TJAP1: variants seen among roughly 807,000 people sequenced by gnomAD.
The protein encoded by TJAP1 is tight junction associated protein 1, also known as tight junction-associated protein 1.
In TJAP1, 27 loss-of-function variants were observed where a neutral mutation model predicts 42.0. That is an observed-to-expected ratio of 0.64 (90% CI 0.47 to 0.89). TJAP1 has a LOEUF of 0.89. TJAP1 is among the 40% of genes least tolerant of loss of function. TJAP1 has a pLI of 0.00. For synonymous variants in TJAP1, 257 were observed against 288.4 expected, an observed-to-expected ratio of 0.89 and a Z score of 1.10; for missense variants, 712 against 726.9, an observed-to-expected ratio of 0.98 and a Z score of 0.24.
chr6:43,502,047 GACACACACAC>G (rs563635573), intron 6 of TJAP1, among the ~76,000 whole-genome samples: 1 of 22,240 alleles, frequency 4.5e-5, no homozygotes, highest in Admixed American at 5.3e-4. Context: ...GGAATGCGGG[GACACACACAC>G]ACACACACAC....
rs755284986 is a variant in TJAP1, at chr6:43,504,945, C to A, written c.764C>A (p.Pro255His). Residue 255 changes from proline (P) to histidine (H), a missense_variant, in exon 11 of 11, where the codon CCC becomes CAC. Around this residue, in one of 3 missense-constraint regions of TJAP1, gnomAD observed 549 missense variants for 528.2 expected, o/e 1.04. Coordinates refer to ENST00000372449, the Ensembl canonical transcript of TJAP1. The stretch of plus-strand genomic sequence containing the variant: ...GCCCAGTCAGGCAGCGCCGGGCGCC[C>A]CTTGGCTGAGGATGTCTTTGTGCAT... 1 of 1,614,188 alleles carries A rather than the reference C, an allele frequency of 6.2e-7. No homozygotes were observed. The highest frequency in any genetic ancestry group is 2.2e-5 in the East Asian group (1 of 44,874).
At chr6:43,497,459 T>C (rs1210376400) in intron 2 of TJAP1, 1 of 152,286 alleles carries the variant, frequency 6.6e-6, no homozygotes, top group Admixed American at 6.5e-5. Context: ...TCCATCATTT[T>C]CTCTATCTTC....
intron 6 of TJAP1, among the ~76,000 whole-genome samples, chr6:43,501,888 G>GGGCC (rs1790758689): frequency 1.1e-5 from 1 of 93,030 alleles, no homozygotes; most frequent in Non-Finnish European, 1.9e-5. Context: ...TGGGAATGCG[G>GGGCC]GGCCACACAC....
intron 4 of TJAP1, 78 bp downstream of exon 4, chr6:43,499,178 C>G: frequency 6.4e-7 from 1 of 1,574,684 alleles, no homozygotes; most frequent in Non-Finnish European, 8.6e-7. Flanking sequence ...CTTCTCCTGC[C>G]TGAGCTTCTG....
At chr6:43,504,613 A>G in intron 10 of TJAP1, 148 bp from the exon 11 acceptor site, 1 of 1,014,164 alleles carries the variant, frequency 9.9e-7, no homozygotes, top group Non-Finnish European at 1.5e-6. Context: ...AAGTGAGGGT[A>G]TACACACTGG....
Position 43,492,366 on chromosome 6 carries a change from A to G in TJAP1, c.-121-5515A>G, listed in dbSNP as rs921949174. On this transcript the variant is annotated intron_variant, in intron 2 of 10. Transcript: ENST00000372449. This position sits in a 1 kb window ranked among gnomAD's most constrained non-coding sequence, Gnocchi z 4.2. ...GTACTTGCCCAGAGGGGTGGCGGGCATAGCTGTTGGAGGGGCAGCAGGGCT... is the reference window on the plus strand; with the variant it reads ...GTACTTGCCCAGAGGGGTGGCGGGCGTAGCTGTTGGAGGGGCAGCAGGGCT... Among the ~76,000 whole-genome samples the G allele has an allele frequency of 6.6e-6, 1 of 152,140 alleles. No individual in the cohort carries two copies. Among genetic ancestry groups the G allele is most frequent in the Non-Finnish European group, 1.5e-5 (1 of 68,040 alleles).
Position 43,502,766 on chromosome 6 carries a change from C to G in TJAP1, c.387+149C>G, listed in dbSNP as rs996537733. ...TATGAGGCCCGTTTAACTGTCAATG[C>G]CTCCCTCCCAGGAGAGAGGTGGGGA... On this transcript the variant is annotated intron_variant, in intron 8 of 10. Coordinates refer to ENST00000372449, the Ensembl canonical transcript of TJAP1. 7 of 895,142 alleles carry G rather than the reference C, an allele frequency of 7.8e-6. No individual in the cohort carries two copies. The Admixed American group carries it at 1.4e-4, about 18-fold the overall frequency. The allele number at this position is 895,142 out of a possible 1,614,324, so 55.4% of individuals were successfully genotyped here.
rs1787709765 is a variant in TJAP1 at position 43,491,097 on chromosome 6, C to G, written c.-121-6784C>G. ...GAAGGCTGCCTAAGTGGATTCTGTTCCCCTTGGGCTGGGTGAGAGAAGGCA... is the reference window on the plus strand; with the variant it reads ...GAAGGCTGCCTAAGTGGATTCTGTTGCCCTTGGGCTGGGTGAGAGAAGGCA... On this transcript the variant is annotated intron_variant, in intron 2 of 10. Coordinates refer to ENST00000372449, the Ensembl canonical transcript of TJAP1. The surrounding 1 kb of genome is among the most constrained non-coding windows in gnomAD (Gnocchi z 4.6). 6.6e-6 allele frequency among the ~76,000 whole-genome samples: 1 copy of G among 152,096 alleles called. No individual in the cohort carries two copies. The highest frequency in any genetic ancestry group is 2.1e-4 in the South Asian group (1 of 4,828).
At chr6:43,503,128 C>T (rs1330940438) in intron 8 of TJAP1, 2 of 512,950 alleles carry the variant, frequency 3.9e-6, no homozygotes, top group Non-Finnish European at 7.0e-6. Context: ...CCCAGAGCCC[C>T]TGGAACCTCA....
chr6:43,479,823 G>A (rs765417563), intron 2 of TJAP1, among the ~76,000 whole-genome samples: 1 of 151,962 alleles, frequency 6.6e-6, no homozygotes, highest in East Asian at 1.9e-4. Context: ...TACAAAAATC[G>A]GCTGGGCGTG....
chr6:43,491,593 T>C lies in TJAP1; in HGVS notation c.-121-6288T>C, dbSNP rs1008924155. Among the ~76,000 whole-genome samples, 13 of 152,156 alleles carry C rather than the reference T, an allele frequency of 8.5e-5. No individual in the cohort carries two copies. Among genetic ancestry groups the C allele is most frequent in the Non-Finnish European group, 8.8e-5 (6 of 68,024 alleles). On this transcript the variant is annotated intron_variant, in intron 2 of 10. Coordinates refer to ENST00000372449, the Ensembl canonical transcript of TJAP1. The surrounding 1 kb of genome is among the most constrained non-coding windows in gnomAD (Gnocchi z 4.6). The stretch of plus-strand genomic sequence containing the variant: ...GTATGAGCCACTGTGCCTGGCCCGA[T>C]GAGAAATATCTTGATGAAAATGCAC...
At chr6:43,506,075 A>G in exon 11 of TJAP1, 1 of 421,874 alleles carries the variant, frequency 2.4e-6, no homozygotes. Context: ...TTTTTCTTAG[A>G]ATATTTATTC....
At chr6:43,506,133 C>T in exon 11 of TJAP1, 2 of 335,124 alleles carry the variant, frequency 6.0e-6, no homozygotes, top group Non-Finnish European at 1.1e-5. Flanking sequence ...CTCCAATCAG[C>T]CCAACCCAGC....
chr6:43,493,774 G>T (rs1788345103), intron 2 of TJAP1, among the ~76,000 whole-genome samples: 1 of 152,116 alleles, frequency 6.6e-6, no homozygotes, highest in Non-Finnish European at 1.5e-5. Context: ...TTGGGGAGCA[G>T]CAGGATTCTG....
At chr6:43,488,695 G>C (rs1011573409) in intron 2 of TJAP1, among the ~76,000 whole-genome samples, 1 of 152,204 alleles carries the variant, frequency 6.6e-6, no homozygotes, top group African/African-American at 2.4e-5. Flanking sequence ...TTGTTTTCTT[G>C]TGGGTGAGGA....
intron 4 of TJAP1, 173 bp from the exon 5 acceptor site, chr6:43,500,571 G>T (rs1297577356): frequency 4.6e-6 from 3 of 651,510 alleles, no homozygotes; most frequent in Non-Finnish European, 8.3e-6. Context: ...GGGTAGTCGA[G>T]GCTTGTCCCA....
intron 5 of TJAP1, 49 bp from the exon 6 acceptor site, chr6:43,501,477 C>T (rs765971333): frequency 1.3e-6 from 2 of 1,550,936 alleles, no homozygotes; most frequent in Middle Eastern, 2.3e-4. Flanking sequence ...AGGGCATGCC[C>T]TTCTATCTCT....
At chr6:43,487,854 T>C (rs989975105) in intron 2 of TJAP1, among the ~76,000 whole-genome samples, 1 of 152,088 alleles carries the variant, frequency 6.6e-6, no homozygotes, top group Non-Finnish European at 1.5e-5. Context: ...GCCATTTATC[T>C]TGTACCCTTC....
intron 4 of TJAP1, 145 bp downstream of exon 4, chr6:43,499,245 G>A (rs1165967565): frequency 8.1e-6 from 10 of 1,239,228 alleles, no homozygotes; most frequent in East Asian, 2.6e-5. Context: ...TCTCCTAGCC[G>A]CAGTAGTGCA....
Sources: gnomAD v4.1 joint callset for allele counts (sites outside exome capture counted in the v4.1 genomes callset) on GRCh38, gnomAD v4.1.1 for gene constraint, gnomAD v4.1.1 regional missense constraint, Gnocchi (gnomAD v3.1) non-coding constraint, MANE v1.5 for transcripts, NCBI Gene and HGNC (gene_info 2026-07-23, HGNC 2026-07-21) for gene names.